Variants in DGKB observed in about 807,000 individuals in gnomAD.
DGKB encodes the protein diacylglycerol kinase beta.
DGKB carries 67 observed loss-of-function variants against 114.3 expected under a neutral mutation model. That is an observed-to-expected ratio of 0.59 (90% CI 0.48 to 0.72). The LOEUF (loss-of-function observed/expected upper bound fraction) is 0.72, where lower values mean the gene tolerates loss of function less well. Among genes scored for constraint, DGKB ranks in the 30% least tolerant of loss-of-function variants. DGKB has a pLI of 0.00. For synonymous variants in DGKB, 398 were observed against 323.1 expected (o/e 1.23, Z -2.49); for missense variants, 907 against 975.2 (o/e 0.93, Z 0.93).
At chr7:14,729,298 A>AT (rs11384306) in intron 5 of DGKB, among the ~76,000 whole-genome samples, 42,771 of 148,700 alleles carry the variant, frequency 0.29, 7,493 homozygotes, top group Non-Finnish European at 0.39. Flanking sequence ...AATTTTTTGT[A>AT]TTTTTAGTAG....
intron 21 of DGKB, among the ~76,000 whole-genome samples, chr7:14,430,017 T>C (rs1464205725): frequency 6.6e-6 from 1 of 152,062 alleles, no homozygotes; most frequent in Non-Finnish European, 1.5e-5. Context: ...ACTTGGGAAA[T>C]GATTGCTTTT....
chr7:14,154,917 C>T (rs892688110), intron 25 of DGKB, among the ~76,000 whole-genome samples: 2 of 151,516 alleles, frequency 1.3e-5, no homozygotes, highest in Non-Finnish European at 2.9e-5. Context: ...TTAAAAATCC[C>T]TCTGCAGGTG....
intron 23 of DGKB, among the ~76,000 whole-genome samples, chr7:14,179,263 C>T (rs1274131781): frequency 2.0e-5 from 3 of 152,198 alleles, no homozygotes; most frequent in African/African-American, 4.8e-5. Flanking sequence ...AGTGACAGCC[C>T]ATCTGCTCAC....
At chr7:14,347,039 C>T (rs938499676) in intron 21 of DGKB, among the ~76,000 whole-genome samples, 5 of 151,872 alleles carry the variant, frequency 3.3e-5, no homozygotes, top group African/African-American at 1.2e-4. Context: ...GTACTATAGA[C>T]ACAAATATAA....
intron 21 of DGKB, among the ~76,000 whole-genome samples, chr7:14,364,983 T>C (rs1036103030): frequency 6.6e-6 from 1 of 151,984 alleles, no homozygotes; most frequent in African/African-American, 2.4e-5. Flanking sequence ...AATACCACAT[T>C]ATGACACTGG....
At chr7:14,567,086 T>G (rs1251439699) in intron 20 of DGKB, among the ~76,000 whole-genome samples, 2 of 122,804 alleles carry the variant, frequency 1.6e-5, no homozygotes, top group Non-Finnish European at 3.2e-5. Context: ...ATATAAAAAA[T>G]TATCCATTTA....
chr7:14,744,675 T>C (rs1384959304), intron 4 of DGKB, among the ~76,000 whole-genome samples: 2 of 152,246 alleles, frequency 1.3e-5, no homozygotes, highest in African/African-American at 2.4e-5. Context: ...CTGCACTTTA[T>C]GCAAACTGTC....
intron 1 of DGKB, among the ~76,000 whole-genome samples, chr7:14,914,981 A>G (rs1784169667): frequency 6.6e-6 from 1 of 152,164 alleles, no homozygotes; most frequent in Non-Finnish European, 1.5e-5. Flanking sequence ...AATAAAATAT[A>G]AAGAGCAAAA....
intron 20 of DGKB, among the ~76,000 whole-genome samples, chr7:14,481,083 T>C (rs1191933117): frequency 1.3e-5 from 2 of 151,982 alleles, no homozygotes; most frequent in African/African-American, 4.8e-5. Context: ...TAAACCTCAT[T>C]GTGTTATTCA....
At chr7:14,520,254 C>T (rs574395114) in intron 20 of DGKB, among the ~76,000 whole-genome samples, 17 of 98,970 alleles carry the variant, frequency 1.7e-4, no homozygotes, top group South Asian at 6.5e-4. Context: ...TGGATTTTGT[C>T]GGTTTTCTTA....
chr7:14,549,133 G>A (rs1286918638), intron 20 of DGKB, among the ~76,000 whole-genome samples: 1 of 152,170 alleles, frequency 6.6e-6, no homozygotes, highest in Non-Finnish European at 1.5e-5. Context: ...AGAATTATAA[G>A]ACTTGAGAGA....
chr7:14,582,507 CT>C (rs942596249), intron 18 of DGKB, among the ~76,000 whole-genome samples: 2 of 152,092 alleles, frequency 1.3e-5, no homozygotes, highest in African/African-American at 4.8e-5. Flanking sequence ...TAGTTATTTA[CT>C]TTTTTCCAAG....
chr7:14,318,682 G>A (rs1411697820), intron 23 of DGKB, among the ~76,000 whole-genome samples: 2 of 152,062 alleles, frequency 1.3e-5, no homozygotes, highest in African/African-American at 4.8e-5. Flanking sequence ...CTTTTACACT[G>A]TTGGTGGGAC....
At chr7:14,739,689 G>A (rs1338427096) in intron 4 of DGKB, among the ~76,000 whole-genome samples, 1 of 152,068 alleles carries the variant, frequency 6.6e-6, no homozygotes, top group Non-Finnish European at 1.5e-5. Context: ...TTTCACTTTC[G>A]TTTCTGGGCC....
At chr7:14,625,192 T>G (rs1395399154) in intron 14 of DGKB, among the ~76,000 whole-genome samples, 1 of 152,178 alleles carries the variant, frequency 6.6e-6, no homozygotes, top group African/African-American at 2.4e-5. Flanking sequence ...AGCATTCATT[T>G]AAACACAAAC....
At chr7:14,388,276 A>T (rs1385216283) in intron 21 of DGKB, among the ~76,000 whole-genome samples, 1 of 150,942 alleles carries the variant, frequency 6.6e-6, no homozygotes, top group Admixed American at 6.6e-5. Flanking sequence ...CAAAAAAAAA[A>T]AGTGGATATG....
At chr7:14,261,351 A>G (rs992447606) in intron 23 of DGKB, among the ~76,000 whole-genome samples, 8 of 152,068 alleles carry the variant, frequency 5.3e-5, no homozygotes, top group African/African-American at 1.9e-4. Flanking sequence ...AATAATGTAT[A>G]GGTGGCCTCT....
intron 14 of DGKB, among the ~76,000 whole-genome samples, chr7:14,622,128 T>C (rs1341375743): frequency 6.6e-6 from 1 of 152,124 alleles, no homozygotes; most frequent in Non-Finnish European, 1.5e-5. Context: ...AAATCACCAA[T>C]GACCGTCTCA....
At chr7:14,561,420 C>A (rs1796640801) in intron 20 of DGKB, among the ~76,000 whole-genome samples, 1 of 152,054 alleles carries the variant, frequency 6.6e-6, no homozygotes, top group African/African-American at 2.4e-5. Flanking sequence ...CCAAGAGTGG[C>A]GTGCTGTTTT....
Sources: allele counts gnomAD v4.1 joint callset (sites outside exome capture counted in the v4.1 genomes callset), GRCh38; gene constraint gnomAD v4.1.1; transcripts MANE v1.5; gene names NCBI Gene and HGNC (gene_info 2026-07-23, HGNC 2026-07-21).